RPS6KA2: variants seen among roughly 807,000 people sequenced by gnomAD.
The protein encoded by RPS6KA2 is ribosomal protein S6 kinase A2, also known as ribosomal protein S6 kinase alpha-2.
In RPS6KA2, 42 loss-of-function variants were observed where a neutral mutation model predicts 91.8. The observed-to-expected ratio is 0.46, with a 90% CI of 0.36 to 0.59. The LOEUF is 0.59. Ranked by LOEUF, RPS6KA2 falls within the 20% of genes least tolerant of loss-of-function variation. The probability of loss-of-function intolerance (pLI) is 0.00; values close to 1 mark genes in which losing one functional copy is unlikely to be tolerated. For synonymous variants in RPS6KA2, 414 were observed against 393.6 expected, an observed-to-expected ratio of 1.05 and a Z score of -0.61; for missense variants, 798 against 978.5, an observed-to-expected ratio of 0.82 and a Z score of 2.46.
intron 2 of RPS6KA2, among the ~76,000 whole-genome samples, chr6:166,731,440 G>A (rs1429071930): frequency 6.6e-6 from 1 of 151,484 alleles, no homozygotes; most frequent in Non-Finnish European, 1.5e-5. Context: ...ATGATTAAAA[G>A]GGGGAAGGAG....
chr6:166,810,947 G>T (rs1779623826), intron 2 of RPS6KA2, among the ~76,000 whole-genome samples: 1 of 152,168 alleles, frequency 6.6e-6, no homozygotes, highest in Non-Finnish European at 1.5e-5. Context: ...CTCCAGGAGG[G>T]TCCATCTTCC....
At chr6:166,680,613 A>G (rs554785605) in intron 2 of RPS6KA2, among the ~76,000 whole-genome samples, 2 of 152,142 alleles carry the variant, frequency 1.3e-5, no homozygotes, top group East Asian at 1.9e-4. Flanking sequence ...GGGACGAACA[A>G]CTCTGGACGT....
chr6:166,620,160 C>T (rs983139190), intron 1 of RPS6KA2, among the ~76,000 whole-genome samples: 3 of 152,174 alleles, frequency 2.0e-5, no homozygotes, highest in Admixed American at 1.3e-4. Context: ...CTACAGCATA[C>T]GAATCATTCC....
chr6:166,751,100 G>A (rs73788118), intron 2 of RPS6KA2, among the ~76,000 whole-genome samples: 1,595 of 152,260 alleles, frequency 0.01, 21 homozygotes, highest in African/African-American at 0.036. Context: ...TGCAGGTGAC[G>A]GCAGGCCTCC....
intron 1 of RPS6KA2, among the ~76,000 whole-genome samples, chr6:166,609,648 T>TGC (rs2128532050): frequency 2.0e-5 from 3 of 152,040 alleles, no homozygotes; most frequent in Middle Eastern, 6.8e-3. Context: ...TACAGGCGCA[T>TGC]GCCACCACTC....
In RPS6KA2 at chr6:166,549,025, G is replaced by A. The variant is rs551511262; in HGVS notation, c.100-10241C>T. Among the ~76,000 whole-genome samples, 14 of 152,254 alleles carry A rather than the reference G, an allele frequency of 9.2e-5. No homozygotes were observed. In the South Asian group the frequency reaches 2.9e-3, roughly 31 times the overall value. On this transcript the variant is annotated intron_variant, in intron 1 of 20. Transcript: ENST00000265678. ...CATTAGAAAATGGGGGAGACAAGCA[G>A]ATATTTCACCACTGAAGATACACAG...
At chr6:166,727,070 G>A (rs1790359404) in intron 2 of RPS6KA2, among the ~76,000 whole-genome samples, 2 of 152,046 alleles carry the variant, frequency 1.3e-5, no homozygotes, top group South Asian at 2.1e-4. Flanking sequence ...CGTTCACCAG[G>A]ACCACATATC....
At chr6:166,728,045 C>T (rs1233625323) in intron 2 of RPS6KA2, among the ~76,000 whole-genome samples, 1 of 152,232 alleles carries the variant, frequency 6.6e-6, no homozygotes, top group Non-Finnish European at 1.5e-5. Context: ...TTCCATAGCA[C>T]TTACCTTGCA....
At position 166,448,197 on chromosome 6, in the gene RPS6KA2, T is replaced by C. The variant is rs1293789846; in HGVS notation, c.1332+527A>G. Among the ~76,000 whole-genome samples, 11 of 152,242 alleles carry C rather than the reference T, an allele frequency of 7.2e-5. No homozygotes were observed. Among genetic ancestry groups the C allele is most frequent in the Admixed American group, 6.5e-4 (10 of 15,288 alleles). ...ATTAGCTCTCTGCCAAAGTTTGTTGTAAGTAATACAAGCTTATTTATTTCT... is the reference window on the plus strand; with the variant it reads ...ATTAGCTCTCTGCCAAAGTTTGTTGCAAGTAATACAAGCTTATTTATTTCT... On this transcript the variant is annotated intron_variant, in intron 14 of 20. Coordinates refer to ENST00000265678, the MANE Select transcript of RPS6KA2 (RefSeq NM_021135.6). The surrounding 1 kb of genome is among the most constrained non-coding windows in gnomAD (Gnocchi z 4.7).
intron 2 of RPS6KA2, among the ~76,000 whole-genome samples, chr6:166,704,593 C>T (rs1789623309): frequency 6.6e-6 from 1 of 152,252 alleles, no homozygotes; most frequent in Non-Finnish European, 1.5e-5. Flanking sequence ...CACTTGGATG[C>T]CCATCGGCCC....
At chr6:166,742,761 G>A (rs1790852620) in intron 2 of RPS6KA2, among the ~76,000 whole-genome samples, 1 of 152,154 alleles carries the variant, frequency 6.6e-6, no homozygotes, top group African/African-American at 2.4e-5. Flanking sequence ...TTAACTCTTA[G>A]TTCCAAGCTA....
At chr6:166,591,643 G>A (rs1400528782) in intron 1 of RPS6KA2, among the ~76,000 whole-genome samples, 1 of 152,158 alleles carries the variant, frequency 6.6e-6, no homozygotes, top group African/African-American at 2.4e-5. Flanking sequence ...GAAGGGGCAA[G>A]GAAGGATCCT....
rs533325226 is a variant in RPS6KA2 at position 166,698,163 on chromosome 6, C to T, written c.124-159379G>A. On this transcript the variant is annotated intron_variant, in intron 2 of 21. Coordinates refer to the RPS6KA2 transcript ENST00000503859. Reference sequence around the variant, plus strand: ...TATTTCCACAAAAATATAAAAAATCCGACAAGAGAAAGGACTGCGACACAA... The same window carrying T: ...TATTTCCACAAAAATATAAAAAATCTGACAAGAGAAAGGACTGCGACACAA... 1.4e-4 allele frequency among the ~76,000 whole-genome samples: 22 copies of T among 152,198 alleles called. No individual in the cohort carries two copies. In the South Asian group the frequency reaches 3.7e-3, roughly 26 times the overall value.
intron 2 of RPS6KA2, among the ~76,000 whole-genome samples, chr6:166,683,837 G>A (rs1257128856): frequency 6.6e-6 from 1 of 152,234 alleles, no homozygotes; most frequent in South Asian, 2.1e-4. Context: ...ACAGGAGAGA[G>A]CAGCTAGCGA....
intron 2 of RPS6KA2, among the ~76,000 whole-genome samples, chr6:166,769,555 A>G (rs537487962): frequency 2.6e-5 from 4 of 152,124 alleles, no homozygotes; most frequent in Non-Finnish European, 5.9e-5. Flanking sequence ...CCCACCCCTC[A>G]CCTTTGCATG....
intron 2 of RPS6KA2, chr6:166,757,491 C>T (rs1212418876): frequency 4.4e-6 from 2 of 456,038 alleles, no homozygotes; most frequent in East Asian, 7.0e-5. Flanking sequence ...CTGCCAAGCT[C>T]CCTGGGACCC....
At chr6:166,851,231 G>T (rs1287257444) in intron 2 of RPS6KA2, among the ~76,000 whole-genome samples, 1 of 152,172 alleles carries the variant, frequency 6.6e-6, no homozygotes, top group Non-Finnish European at 1.5e-5. Context: ...CAGGAGGAGA[G>T]CCACGCCACC....
chr6:166,830,041 G>A (rs1316817575), intron 2 of RPS6KA2, among the ~76,000 whole-genome samples: 2 of 150,550 alleles, frequency 1.3e-5, no homozygotes, highest in Non-Finnish European at 2.9e-5. Flanking sequence ...GAGGAGAATC[G>A]CTTGAACCTG....
At chr6:166,599,496 GT>G (rs1583314842) in intron 1 of RPS6KA2, among the ~76,000 whole-genome samples, 1 of 152,176 alleles carries the variant, frequency 6.6e-6, no homozygotes, top group East Asian at 1.9e-4. Flanking sequence ...CAAGAAGGCA[GT>G]TCTGAGGGCA....
Sources: allele counts gnomAD v4.1 joint callset (sites outside exome capture counted in the v4.1 genomes callset), GRCh38; gene constraint gnomAD v4.1.1; non-coding constraint Gnocchi (gnomAD v3.1); transcripts MANE v1.5; gene names NCBI Gene and HGNC (gene_info 2026-07-23, HGNC 2026-07-21).